KCTD16: variants seen among roughly 807,000 people sequenced by gnomAD.
KCTD16 encodes the protein potassium channel tetramerization domain containing 16.
In KCTD16, 13 loss-of-function variants were observed where a neutral mutation model predicts 33.2. That is an observed-to-expected ratio of 0.39 (90% CI 0.25 to 0.62). KCTD16 has a LOEUF of 0.62. Ranked by LOEUF, KCTD16 falls within the 20% of genes least tolerant of loss-of-function variation. KCTD16 has a pLI of 0.50. For missense variants in KCTD16, 441 were observed against 525.1 expected (o/e 0.84, Z 1.57); for synonymous variants, 197 against 195.3 (o/e 1.01, Z -0.07).
rs10065522 is a variant in KCTD16 at position 144,417,132 on chromosome 5, T to A, written c.833-56528T>A. ...TATATACCTAAAAATGAAATTGTAG[T>A]GTCACATGGTAATTCTACATTTAAC... is the stretch of plus-strand genomic sequence containing the variant. On this transcript the variant is annotated intron_variant, in intron 3 of 3. Coordinates refer to ENST00000512467, the MANE Select transcript of KCTD16 (RefSeq NM_020768.4). Among the ~76,000 whole-genome samples the A allele has an allele frequency of 1.0e-2, 1,521 of 152,324 alleles. 24 individuals are homozygous for A. The highest frequency in any genetic ancestry group is 0.034 in the African/African-American group (1,402 of 41,578).
chr5:144,204,093 C>G (rs1316561948), intron 2 of KCTD16, among the ~76,000 whole-genome samples: 1 of 152,102 alleles, frequency 6.6e-6, no homozygotes, highest in Non-Finnish European at 1.5e-5. Context: ...TTCAGTAACC[C>G]AATGCTTATT....
chr5:144,392,451 A>G (rs1007969968), intron 3 of KCTD16, among the ~76,000 whole-genome samples: 4 of 152,202 alleles, frequency 2.6e-5, no homozygotes, highest in Non-Finnish European at 5.9e-5. Flanking sequence ...TGAGACCACT[A>G]TGACCACTAG....
intron 3 of KCTD16, among the ~76,000 whole-genome samples, chr5:144,408,848 C>A (rs1321036831): frequency 6.6e-6 from 1 of 152,090 alleles, no homozygotes; most frequent in Non-Finnish European, 1.5e-5. Context: ...TTTCATGTTC[C>A]TTATTCCTCC....
chr5:144,309,968 T>C (rs902978758), intron 3 of KCTD16, among the ~76,000 whole-genome samples: 4 of 152,184 alleles, frequency 2.6e-5, no homozygotes, highest in Non-Finnish European at 5.9e-5. Context: ...GAAATCTTTT[T>C]TGGTCTTTTA....
chr5:144,331,471 G>A (rs915622187), intron 3 of KCTD16, among the ~76,000 whole-genome samples: 21 of 152,162 alleles, frequency 1.4e-4, no homozygotes, highest in Non-Finnish European at 3.1e-4. Flanking sequence ...ATTCACACAA[G>A]AGATAGTAGC....
intron 3 of KCTD16, among the ~76,000 whole-genome samples, chr5:144,315,245 C>G (rs1561564201): frequency 6.6e-6 from 1 of 152,154 alleles, no homozygotes; most frequent in Non-Finnish European, 1.5e-5. Context: ...AACCTTTCTT[C>G]CAGTAAGTCC....
At chr5:144,330,574 G>C (rs1191646806) in intron 3 of KCTD16, among the ~76,000 whole-genome samples, 1 of 151,834 alleles carries the variant, frequency 6.6e-6, no homozygotes, top group African/African-American at 2.4e-5. Flanking sequence ...ATACAAATGA[G>C]TAACATTTAA....
At chr5:144,390,729 A>C (rs1752430651) in intron 3 of KCTD16, among the ~76,000 whole-genome samples, 1 of 150,846 alleles carries the variant, frequency 6.6e-6, no homozygotes, top group Non-Finnish European at 1.5e-5. Context: ...CCCTGTGCCC[A>C]TGTGTTCTCA....
At chr5:144,299,104 A>ATATCACTATG (rs1756144871) in intron 3 of KCTD16, among the ~76,000 whole-genome samples, 2 of 8,982 alleles carry the variant, frequency 2.2e-4, no homozygotes, top group African/African-American at 7.9e-4. Flanking sequence ...ATGTATATAT[A>ATATCACTATG]TATATATATA....
At chr5:144,235,453 C>T (rs2126816317) in intron 3 of KCTD16, among the ~76,000 whole-genome samples, 1 of 152,194 alleles carries the variant, frequency 6.6e-6, no homozygotes, top group Admixed American at 6.5e-5. Context: ...GAGATCAAAT[C>T]TTCATTCTAC....
At chr5:144,397,995 A>T (rs1752612717) in intron 3 of KCTD16, among the ~76,000 whole-genome samples, 1 of 152,192 alleles carries the variant, frequency 6.6e-6, no homozygotes. Flanking sequence ...TCAATCCCAG[A>T]TCTTGCTCTA....
chr5:144,395,477 A>G (rs1256583422), intron 3 of KCTD16, among the ~76,000 whole-genome samples: 1 of 152,190 alleles, frequency 6.6e-6, no homozygotes, highest in Admixed American at 6.5e-5. Flanking sequence ...TTATGGATAT[A>G]TTAAGGGCAA....
intron 3 of KCTD16, among the ~76,000 whole-genome samples, chr5:144,251,310 C>T (rs941393589): frequency 6.6e-6 from 1 of 152,152 alleles, no homozygotes; most frequent in Non-Finnish European, 1.5e-5. Flanking sequence ...CACTCAGCTC[C>T]ACTATTTACT....
chr5:144,348,450 C>T (rs971919173), intron 3 of KCTD16, among the ~76,000 whole-genome samples: 5 of 152,210 alleles, frequency 3.3e-5, no homozygotes, highest in Admixed American at 6.5e-5. Flanking sequence ...CGATGTCTGA[C>T]TTTGAATTCA....
intron 3 of KCTD16, among the ~76,000 whole-genome samples, chr5:144,220,936 G>C (rs377214308): frequency 1.4e-5 from 2 of 144,120 alleles, no homozygotes; most frequent in African/African-American, 5.6e-5. Context: ...GCGAGACTAC[G>C]TCTCAAAAAA....
chr5:144,423,701 A>C (rs1024613221), intron 3 of KCTD16, among the ~76,000 whole-genome samples: 8 of 152,188 alleles, frequency 5.3e-5, no homozygotes, highest in Admixed American at 4.6e-4. Context: ...GAACTAACCC[A>C]GTGGAGATGA....
intron 3 of KCTD16, among the ~76,000 whole-genome samples, chr5:144,428,120 C>T (rs1448112297): frequency 6.6e-6 from 1 of 152,098 alleles, no homozygotes; most frequent in African/African-American, 2.4e-5. Flanking sequence ...CATAGAAGGA[C>T]AAAGACTTAG....
rs1159220853 is a variant in KCTD16 at position 144,207,468 on chromosome 5, T to A, written c.754T>A (p.Ser252Thr). The change falls in exon 3 of 4, where the codon TCA (serine) becomes ACA (threonine). Residue 252 changes from serine (S) to threonine (T), a missense_variant. By Grantham distance (58) the Ser-to-Thr change is moderately conservative (BLOSUM62 1). Coordinates refer to ENST00000512467, the MANE Select transcript of KCTD16 (RefSeq NM_020768.4). ...TGGATTCCACATGGTGGCCTGTAAC[T>A]CATCGGTGACAGCATCTTTCATCAA... ...ECGFHMVACNSSVTASFINQY... is the reference protein window; with the variant it reads ...ECGFHMVACNTSVTASFINQY... 6.2e-7 allele frequency: 1 copy of A among 1,614,192 alleles called. No homozygotes were observed. Among genetic ancestry groups the A allele is most frequent in the Non-Finnish European group, 8.5e-7 (1 of 1,180,028 alleles).
intron 3 of KCTD16, among the ~76,000 whole-genome samples, chr5:144,467,622 G>A (rs905076232): frequency 2.0e-5 from 3 of 152,214 alleles, no homozygotes; most frequent in East Asian, 1.9e-4. Flanking sequence ...AGAAAGATGC[G>A]TGGCTGGCAA....
Sources: gnomAD v4.1 joint callset for allele counts (sites outside exome capture counted in the v4.1 genomes callset) on GRCh38, gnomAD v4.1.1 for gene constraint, MANE v1.5 for transcripts, NCBI Gene and HGNC (gene_info 2026-07-23, HGNC 2026-07-21) for gene names.